Variants in IFI44L observed in about 807,000 individuals in gnomAD.
IFI44L encodes interferon-induced protein 44-like.
A neutral mutation model predicts 39.3 loss-of-function variants in IFI44L; 40 were observed. The ratio of observed to expected loss-of-function variants is 1.02; its 90% CI spans 0.79 to 1.33. The LOEUF is 1.33. Among genes scored for constraint, IFI44L ranks in the 40% most tolerant of loss-of-function variants. The pLI is 0.00. For missense variants in IFI44L, 623 were observed against 549.0 expected (o/e 1.13, Z -1.35); for synonymous variants, 198 against 182.3 (o/e 1.09, Z -0.69).
chr1:78,643,192 G>T lies in IFI44L; in HGVS notation c.*1383G>T, dbSNP rs1485064171. ...AGTTATGGAATATTTCCTAAAGCAA[G>T]GCTGCAGGTGAAGTTGTGCTCAAGT... On this transcript the variant is annotated 3_prime_UTR_variant, in exon 9 of 9. Coordinates refer to ENST00000370751, the MANE Select transcript of IFI44L (RefSeq NM_006820.4). 1 of 142,620 alleles carries T rather than the reference G, an allele frequency of 7.0e-6. No homozygotes were observed. Among genetic ancestry groups the T allele is most frequent in the African/African-American group, 2.4e-5 (1 of 40,836 alleles). The allele number at this position is 142,620 out of a possible 1,614,324, so 8.8% of individuals were successfully genotyped here. A position where few individuals can be genotyped will look rare whatever the true frequency, so the allele number is the denominator to read the frequency against.
chr1:78,629,946 T>C (rs1237037027), intron 4 of IFI44L, 31 bp downstream of exon 4: 2 of 1,559,094 alleles, frequency 1.3e-6, no homozygotes, highest in South Asian at 1.1e-5. Context: ...TTTTATTTTA[T>C]AGATTACAAT....
intron 6 of IFI44L, 36 bp from the exon 7 acceptor site, chr1:78,640,985 A>G (rs772687146): frequency 3.5e-6 from 5 of 1,417,172 alleles, no homozygotes; most frequent in Admixed American, 1.7e-5. Context: ...ATTGCTATTT[A>G]TGATATAAAA....
chr1:78,638,574 A>G (rs1653037243), intron 6 of IFI44L, among the ~76,000 whole-genome samples: 1 of 151,974 alleles, frequency 6.6e-6, no homozygotes, highest in African/African-American at 2.4e-5. Flanking sequence ...CTTGTTCATC[A>G]CTTTGCCCTC....
rs273256 is a variant in IFI44L, at chr1:78,629,654, A to T, written c.528-66A>T. On this transcript the variant is annotated intron_variant, in intron 3 of 8. Coordinates refer to ENST00000370751, the MANE Select transcript of IFI44L (RefSeq NM_006820.4). ...AGAGAAAGAAGCTCTAGGTGACTTG[A>T]GATGTTCTTTATGGTATTCTTTATT... is the stretch of plus-strand genomic sequence containing the variant. The T allele has an allele frequency of 2.2e-5, 25 of 1,159,058 alleles. No homozygotes were observed. The Admixed American group carries it at 2.2e-4, about 10-fold the overall frequency. The allele number at this position is 1,159,058 out of a possible 1,614,324, so 71.8% of individuals were successfully genotyped here. A position where few individuals can be genotyped will look rare whatever the true frequency, so the allele number is the denominator to read the frequency against.
In IFI44L at chr1:78,645,487, G is replaced by A. The variant is rs534477038; in HGVS notation, c.*3678G>A. 1 of 152,130 alleles carries A rather than the reference G, an allele frequency of 6.6e-6. No individual in the cohort carries two copies. The highest frequency in any genetic ancestry group is 1.5e-5 in the Non-Finnish European group (1 of 68,028). 9.4% of individuals were successfully genotyped at this position (152,130 alleles called of 1,614,324 possible). On this transcript the variant is annotated 3_prime_UTR_variant, in exon 9 of 9. Transcript: ENST00000370751. ...ATTGCTTTTTCATAAAACAAGACAG[G>A]TCTACAATTAATTTATTTTGACGCA...
chr1:78,627,823 C>A, intron 1 of IFI44L, 83 bp from the exon 2 acceptor site: 1 of 698,690 alleles, frequency 1.4e-6, no homozygotes, highest in Admixed American at 4.0e-5. Context: ...GAATAAAGAA[C>A]TCACTGAAAG....
intron 8 of IFI44L, 78 bp downstream of exon 8, chr1:78,641,687 G>A (rs41309155): frequency 0.016 from 26,170 of 1,604,134 alleles, 383 homozygotes; most frequent in South Asian, 0.044. Context: ...TCAGTTATTA[G>A]ATGACTGGGG....
Position 78,642,522 on chromosome 1 carries a change from T to C in IFI44L, c.*713T>C, listed in dbSNP as rs969034065. The C allele has an allele frequency of 6.6e-6, 1 of 151,688 alleles. No individual in the cohort carries two copies. Among genetic ancestry groups the C allele is most frequent in the African/African-American group, 2.4e-5 (1 of 41,298 alleles). The allele number at this position is 151,688 out of a possible 1,614,324, so 9.4% of individuals were successfully genotyped here. ...AGGTGGAGGCTACAGTGAGCTGAGA[T>C]TGTGCCACTGTACTCTAGCCAGGGA... On this transcript the variant is annotated 3_prime_UTR_variant, in exon 9 of 9. Coordinates refer to ENST00000370751, the MANE Select transcript of IFI44L (RefSeq NM_006820.4).
intron 1 of IFI44L, among the ~76,000 whole-genome samples, chr1:78,623,527 T>A (rs890560953): frequency 3.4e-5 from 5 of 148,190 alleles, no homozygotes; most frequent in African/African-American, 1.3e-4. Flanking sequence ...TGAACCAACA[T>A]AAAAAAAATA....
rs767275539 is a variant in IFI44L at position 78,644,651 on chromosome 1, A to G, written c.*2842A>G. 2 of 152,280 alleles carry G rather than the reference A, an allele frequency of 1.3e-5. No homozygotes were observed. Among genetic ancestry groups the G allele is most frequent in the South Asian group, 4.1e-4 (2 of 4,828 alleles). 9.4% of individuals were successfully genotyped at this position (152,280 alleles called of 1,614,324 possible). ...ATCATTTTGCTACATTTTAGAGGTC[A>G]TCCAGGATTTTTGAAACTTTACATT... On this transcript the variant is annotated 3_prime_UTR_variant, in exon 9 of 9. Transcript: ENST00000370751.
Position 78,642,537 on chromosome 1 carries a change from C to T in IFI44L, c.*728C>T, listed in dbSNP as rs1302792843. ...TGAGCTGAGATTGTGCCACTGTACT[C>T]TAGCCAGGGAGAAAGAGTGAGATCC... On this transcript the variant is annotated 3_prime_UTR_variant, in exon 9 of 9. Transcript: ENST00000370751. 1 of 151,776 alleles carries T rather than the reference C, an allele frequency of 6.6e-6. No individual in the cohort carries two copies. The highest frequency in any genetic ancestry group is 1.9e-4 in the East Asian group (1 of 5,184). 9.4% of individuals were successfully genotyped at this position (151,776 alleles called of 1,614,324 possible).
chr1:78,642,583 A>G lies in IFI44L; in HGVS notation c.*774A>G, dbSNP rs1647000264. 1 of 151,822 alleles carries G rather than the reference A, an allele frequency of 6.6e-6. No homozygotes were observed. Among genetic ancestry groups the G allele is most frequent in the African/African-American group, 2.4e-5 (1 of 41,352 alleles). 9.4% of individuals were successfully genotyped at this position (151,822 alleles called of 1,614,324 possible). On this transcript the variant is annotated 3_prime_UTR_variant, in exon 9 of 9. Coordinates refer to ENST00000370751, the MANE Select transcript of IFI44L (RefSeq NM_006820.4). ...GATCCTGGCTCAAAAAAACCAAATA[A>G]AACAAAACAAACAAACGAAAAACAG...
Position 78,628,737 on chromosome 1 carries a change from A to T in IFI44L, c.479-214A>T, listed in dbSNP as rs1262871376. 4.4e-5 allele frequency: 24 copies of T among 547,612 alleles called. No individual in the cohort carries two copies. In the Admixed American group the frequency reaches 7.9e-4, roughly 18 times the overall value. The allele number at this position is 547,612 out of a possible 1,614,324, so 33.9% of individuals were successfully genotyped here. A position where few individuals can be genotyped will look rare whatever the true frequency, so the allele number is the denominator to read the frequency against. On this transcript the variant is annotated intron_variant, in intron 2 of 8. Transcript: ENST00000370751. The stretch of plus-strand genomic sequence containing the variant: ...CCCTTATATGACCCTTAGAACTTCT[A>T]GGTGTAATTATGTGAGAGCTTCCAG...
intron 6 of IFI44L, among the ~76,000 whole-genome samples, chr1:78,637,455 T>A (rs922680590): frequency 1.3e-5 from 2 of 152,086 alleles, no homozygotes; most frequent in African/African-American, 4.8e-5. Context: ...TAGATAGGGC[T>A]AAAACCTATG....
rs1557690733 is a variant in IFI44L, at chr1:78,641,008, C to T, written c.1049-13C>T. The T allele has an allele frequency of 1.3e-6, 2 of 1,556,932 alleles. No homozygotes were observed. Among genetic ancestry groups the T allele is most frequent in the Non-Finnish European group, 8.9e-7 (1 of 1,129,728 alleles). On this transcript the variant is annotated splice_polypyrimidine_tract_variant and intron_variant, in intron 6 of 8. Transcript: ENST00000370751. ...TTATGATATAAAATAACTGATTTAT[C>T]TATTTGATATAGGTATAGCATATGT...
chr1:78,631,875 C>T (rs556840447), intron 4 of IFI44L, among the ~76,000 whole-genome samples: 12 of 152,136 alleles, frequency 7.9e-5, no homozygotes, highest in Admixed American at 3.9e-4. Context: ...ATGAATCAAA[C>T]GGTGGCACCA....
rs1453070699 is a variant in IFI44L, at chr1:78,628,334, T to G, written c.419T>G (p.Leu140Trp). ...IYLDKMITRN[L>W]KLRFYGHRQY... ...CTAGATAAAATGATAACAAGAAACTTGAAACTAAGGTTTTATGGCCACCGT... is the reference window on the plus strand; with the variant it reads ...CTAGATAAAATGATAACAAGAAACTGGAAACTAAGGTTTTATGGCCACCGT... Residue 140 changes from leucine (L) to tryptophan (W), a missense_variant, in exon 2 of 9, where the codon TTG becomes TGG. Transcript: ENST00000370751. The G allele has an allele frequency of 2.3e-5, 36 of 1,599,638 alleles. No homozygotes were observed. The highest frequency in any genetic ancestry group is 3.1e-5 in the Non-Finnish European group (36 of 1,174,574).
chr1:78,631,603 A>G (rs1363484588), intron 4 of IFI44L: 1 of 152,188 alleles, frequency 6.6e-6, no homozygotes. Flanking sequence ...TTGAATGTAT[A>G]TCTGACCATC....
At chr1:78,627,679 G>C in intron 1 of IFI44L, 1 of 301,446 alleles carries the variant, frequency 3.3e-6, no homozygotes, top group Non-Finnish European at 6.0e-6. Context: ...TCTGAAGTTT[G>C]TCAATTGATT....
Sources: gnomAD v4.1 joint callset for allele counts (sites outside exome capture counted in the v4.1 genomes callset) on GRCh38, gnomAD v4.1.1 for gene constraint, MANE v1.5 for transcripts, NCBI Gene and HGNC (gene_info 2026-07-23, HGNC 2026-07-21) for gene names.